Variants in DYSF observed in about 807,000 individuals in gnomAD.
DYSF encodes dystrophy-associated fer-1-like 1.
A neutral mutation model predicts 274.9 loss-of-function variants in DYSF; 212 were observed. The ratio of observed to expected loss-of-function variants is 0.77; its 90% CI spans 0.69 to 0.86. DYSF has a LOEUF of 0.86. Among genes scored for constraint, DYSF ranks in the 40% least tolerant of loss-of-function variants. The pLI, the probability that DYSF is intolerant of heterozygous loss-of-function variation, is 0.00. For synonymous variants in DYSF, 1,091 were observed against 1,078.7 expected, an observed-to-expected ratio of 1.01 and a Z score of -0.22; for missense variants, 2,666 against 2,783.2, an observed-to-expected ratio of 0.96 and a Z score of 0.95.
chr2:71,656,141 T>C, intron 42 of DYSF, 21 bp from the exon 43 acceptor site: 1 of 1,614,076 alleles, frequency 6.2e-7, no homozygotes, highest in Non-Finnish European at 8.5e-7. Context: ...TGTCCCCTCC[T>C]CTAATCCCCA....
At chr2:71,476,380 A>G (rs1394516859) in intron 1 of DYSF, among the ~76,000 whole-genome samples, 2 of 152,040 alleles carry the variant, frequency 1.3e-5, no homozygotes, top group Admixed American at 6.5e-5. Context: ...GGTCAGGCTA[A>G]AAATACAAAA....
chr2:71,569,962 G>T (rs773639434), intron 27 of DYSF, 28 bp downstream of exon 27: 3 of 1,602,780 alleles, frequency 1.9e-6, no homozygotes, highest in Non-Finnish European at 1.7e-6. Flanking sequence ...GGGCAGGTGG[G>T]GTCTAGACAT....
At chr2:71,520,480 G>A (rs2087137824) in intron 11 of DYSF, among the ~76,000 whole-genome samples, 1 of 152,214 alleles carries the variant, frequency 6.6e-6, no homozygotes, top group Non-Finnish European at 1.5e-5. Flanking sequence ...ACAGGGACAG[G>A]TCATTTGGGT....
At chr2:71,518,569 T>C in intron 10 of DYSF, among the ~76,000 whole-genome samples, 1 of 151,808 alleles carries the variant, frequency 6.6e-6, no homozygotes, top group East Asian at 1.9e-4. Flanking sequence ...CTGGCCTGCA[T>C]GGTGTTTTAA....
rs976126934 is a variant in DYSF at position 71,611,578 on chromosome 2, C to A, written c.4173C>A (p.Asn1391Lys). Residue 1391 changes from asparagine (N) to lysine (K), a missense_variant, in exon 38 of 56, where the codon AAC becomes AAA. By Grantham distance (94) the Asn-to-Lys change is moderately conservative. This residue lies in a region of DYSF where 1,460 missense variants were observed against 1,502.1 expected (regional missense o/e 0.97). Coordinates refer to ENST00000410020, the MANE Select transcript of DYSF (RefSeq NM_001130987.2). ...GQTVQSCVIRNLRKNPNFDIC... is the reference protein window; with the variant it reads ...GQTVQSCVIRKLRKNPNFDIC... ...CGGTGCAGTCCTGTGTCATCAGGAA[C>A]CTCCGGAAGAACCCCAACTTTGACA... 4.3e-6 allele frequency: 7 copies of A among 1,614,128 alleles called. No individual in the cohort carries two copies. Among genetic ancestry groups the A allele is most frequent in the South Asian group, 1.1e-5 (1 of 91,076 alleles).
chr2:71,518,713 T>C (rs1297063850), intron 10 of DYSF, among the ~76,000 whole-genome samples: 6 of 152,300 alleles, frequency 3.9e-5, no homozygotes, highest in South Asian at 4.1e-4. Flanking sequence ...TTCTTTAAAT[T>C]TGTATTTTAA....
At chr2:71,638,361 CAAAA>C (rs34513312) in intron 41 of DYSF, among the ~76,000 whole-genome samples, 1 of 130,164 alleles carries the variant, frequency 7.7e-6, no homozygotes. Context: ...CTCATCACTG[CAAAA>C]AAAAAAAAAA....
At chr2:71,648,355 G>A (rs1158790052) in intron 42 of DYSF, among the ~76,000 whole-genome samples, 3 of 152,154 alleles carry the variant, frequency 2.0e-5, no homozygotes, top group Non-Finnish European at 4.4e-5. Flanking sequence ...GGAGCACAGG[G>A]CAGAAGGGCC....
chr2:71,481,963 A>G lies in DYSF; in HGVS notation c.232A>G (p.Arg78Gly), dbSNP rs1200339425. 1 of 1,613,968 alleles carries G rather than the reference A, an allele frequency of 6.2e-7. No homozygotes were observed. Among genetic ancestry groups the G allele is most frequent in the Admixed American group, 1.7e-5 (1 of 60,010 alleles). ...GGTCAAAGACCATGAGACGATGGGG[A>G]GGAACAGGTAAGGTGGCCAGAGGGG... ...VVVKDHETMG[R>G]NRFLGEAKVP... is the part of the protein sequence containing the mutation. The change falls in exon 3 of 56, where the codon AGG (arginine) becomes GGG (glycine). Residue 78 changes from arginine (R) to glycine (G), a missense_variant. Around this residue, in one of 3 missense-constraint regions of DYSF, gnomAD observed 794 missense variants for 777.1 expected, o/e 1.02. Transcript: ENST00000410020.
intron 47 of DYSF, among the ~76,000 whole-genome samples, chr2:71,665,767 A>G (rs1307746711): frequency 6.6e-6 from 1 of 152,222 alleles, no homozygotes; most frequent in African/African-American, 2.4e-5. Flanking sequence ...CAGCCCATGC[A>G]TCTAAAGGAT....
chr2:71,669,550 T>TA (rs769008151), intron 50 of DYSF, 55 bp from the exon 51 acceptor site: 84 of 1,608,886 alleles, frequency 5.2e-5, no homozygotes, highest in Non-Finnish European at 3.2e-5. Context: ...TGACGATGTA[T>TA]ATACTGTGTT....
intron 41 of DYSF, among the ~76,000 whole-genome samples, chr2:71,629,803 G>T (rs574466911): frequency 2.0e-4 from 31 of 152,238 alleles, no homozygotes; most frequent in Admixed American, 1.5e-3. Flanking sequence ...TACTTGGAGG[G>T]TTTCTCTGGT....
Position 71,549,411 on chromosome 2 carries a change from G to A in DYSF, c.1577-1630G>A, listed in dbSNP as rs926725566. The A allele has an allele frequency of 1.2e-6, 2 of 1,609,418 alleles. No individual in the cohort carries two copies. Among genetic ancestry groups the A allele is most frequent in the Non-Finnish European group, 1.7e-6 (2 of 1,177,180 alleles). ...CAGACTGTACGTTGCTGTCACCTTGGGGACAACCAGGGGAGTGGGGCCTTG... is the reference window on the plus strand; with the variant it reads ...CAGACTGTACGTTGCTGTCACCTTGAGGACAACCAGGGGAGTGGGGCCTTG... On this transcript the variant is annotated intron_variant, in intron 17 of 55. Transcript: ENST00000410020.
intron 41 of DYSF, among the ~76,000 whole-genome samples, chr2:71,631,100 A>C (rs1159090265): frequency 1.3e-5 from 2 of 152,308 alleles, no homozygotes; most frequent in East Asian, 3.9e-4. Flanking sequence ...ACTGACAACA[A>C]TTTATTCCAA....
At chr2:71,550,757 C>T (rs2090885883) in intron 17 of DYSF, among the ~76,000 whole-genome samples, 1 of 152,164 alleles carries the variant, frequency 6.6e-6, no homozygotes, top group Non-Finnish European at 1.5e-5. Flanking sequence ...ACCTTGTAGT[C>T]TTGTGTTTCT....
chr2:71,456,054 G>C (rs1037888998), intron 1 of DYSF, among the ~76,000 whole-genome samples: 1 of 152,168 alleles, frequency 6.6e-6, no homozygotes, highest in Non-Finnish European at 1.5e-5. Flanking sequence ...GGGCCTGTGT[G>C]TGGAGCAGCT....
At chr2:71,476,525 G>C (rs1311460627) in intron 1 of DYSF, among the ~76,000 whole-genome samples, 2 of 149,984 alleles carry the variant, frequency 1.3e-5, no homozygotes, top group East Asian at 2.0e-4. Flanking sequence ...TGAATGACTG[G>C]AGTGAGACTC....
chr2:71,598,473 C>G (rs2093459916), intron 32 of DYSF, 91 bp from the exon 33 acceptor site: 1 of 1,485,274 alleles, frequency 6.7e-7, no homozygotes, highest in Non-Finnish European at 9.3e-7. Context: ...CAACCCTGCT[C>G]CAGCTTTGTG....
At chr2:71,679,278 G>C (rs1465947061) in intron 53 of DYSF, 43 bp downstream of exon 53, 3 of 1,592,798 alleles carry the variant, frequency 1.9e-6, no homozygotes, top group Non-Finnish European at 2.6e-6. Context: ...CATGGGGGAA[G>C]CTTCTTCCAT....
Sources: allele counts gnomAD v4.1 joint callset (sites outside exome capture counted in the v4.1 genomes callset), GRCh38; gene constraint gnomAD v4.1.1; regional missense constraint gnomAD v4.1.1; transcripts MANE v1.5; gene names NCBI Gene and HGNC (gene_info 2026-07-23, HGNC 2026-07-21).